CLECL1: variants seen among roughly 807,000 people sequenced by gnomAD.
CLECL1 encodes C-type lectin like 1.
At chr12:9,724,972 C>T (rs922843449) in intron 3 of CLECL1, among the ~76,000 whole-genome samples, 1 of 152,022 alleles carries the variant, frequency 6.6e-6, no homozygotes, top group Non-Finnish European at 1.5e-5. Context: ...ATACAAAAAT[C>T]CCTCATCCTC....
At chr12:9,724,080 G>A (rs186292571) in intron 3 of CLECL1, among the ~76,000 whole-genome samples, 172 of 151,648 alleles carry the variant, frequency 1.1e-3, no homozygotes, top group African/African-American at 4.0e-3. Context: ...CCAGCTACTC[G>A]GGAGGCTGAG....
downstream of CLECL1, among the ~76,000 whole-genome samples, chr12:9,719,588 C>CTAAATAAA (rs924236331): frequency 5.3e-5 from 8 of 151,990 alleles, no homozygotes; most frequent in Admixed American, 3.3e-4. Flanking sequence ...ATGCCCATCT[C>CTAAATAAA]TAAATAAATA....
At chr12:9,711,309 T>C (rs2121030571), downstream of CLECL1, among the ~76,000 whole-genome samples, 1 of 152,322 alleles carries the variant, frequency 6.6e-6, no homozygotes, top group Non-Finnish European at 1.5e-5. Flanking sequence ...TTCTGGCTTA[T>C]ACTTATTCTG....
chr12:9,713,685 A>G (rs1866214603), downstream of CLECL1, among the ~76,000 whole-genome samples: 1 of 152,208 alleles, frequency 6.6e-6, no homozygotes, highest in South Asian at 2.1e-4. Context: ...CAATAGATCG[A>G]TAGTGATTTA....
downstream of CLECL1, chr12:9,715,812 C>T (rs755581265): frequency 5.4e-4 from 82 of 152,574 alleles, no homozygotes; most frequent in Admixed American, 8.5e-4. Flanking sequence ...TCATTGGTTC[C>T]GATATTGGCT....
chr12:9,730,310 T>A (rs2121065226), intron 1 of CLECL1, among the ~76,000 whole-genome samples: 1 of 152,262 alleles, frequency 6.6e-6, no homozygotes, highest in South Asian at 2.1e-4. Flanking sequence ...ATAAAAGAAG[T>A]TGTACTTTTA....
chr12:9,717,513 T>A (rs1404885256), downstream of CLECL1, among the ~76,000 whole-genome samples: 1 of 152,236 alleles, frequency 6.6e-6, no homozygotes, highest in Non-Finnish European at 1.5e-5. Flanking sequence ...TTAGATTCAA[T>A]AAAAGAAGTA....
the CLECL1 span, among the ~76,000 whole-genome samples, chr12:9,710,538 T>A: frequency 6.6e-6 from 1 of 152,178 alleles, no homozygotes; most frequent in Non-Finnish European, 1.5e-5. Context: ...CGGACCTAAC[T>A]GAGAACAGGT....
At chr12:9,733,035 C>G, upstream of CLECL1, 1 of 1,614,130 alleles carries the variant, frequency 6.2e-7, no homozygotes, top group Non-Finnish European at 8.5e-7. Context: ...AGCCATTGCA[C>G]AGATCAAAAA....
chr12:9,733,278 G>A (rs375872847), upstream of CLECL1: 46 of 1,552,108 alleles, frequency 3.0e-5, no homozygotes, highest in East Asian at 2.0e-4. Context: ...GTAGGTTCTC[G>A]TTTTTCAGTT....
exon 2 of CLECL1, among the ~76,000 whole-genome samples, chr12:9,729,605 A>G (rs1340080444): frequency 6.6e-6 from 1 of 152,150 alleles, no homozygotes; most frequent in African/African-American, 2.4e-5. Context: ...AATATTCAGT[A>G]CAATTACTAT....
exon 3 of CLECL1, chr12:9,716,611 TTC>T (rs1866241995): frequency 7.2e-6 from 2 of 278,218 alleles, no homozygotes; most frequent in African/African-American, 2.3e-5. Context: ...ACTTGTCCCA[TTC>T]CTCTTGCTCA....
At chr12:9,716,941 A>T (rs1223987651) in intron 2 of CLECL1, among the ~76,000 whole-genome samples, 2 of 152,190 alleles carry the variant, frequency 1.3e-5, no homozygotes, top group African/African-American at 2.4e-5. Context: ...TGTGAACGGG[A>T]TGTAAACCAG....
intron 2 of CLECL1, among the ~76,000 whole-genome samples, chr12:9,727,748 C>T (rs1363029586): frequency 6.6e-6 from 1 of 151,594 alleles, no homozygotes; most frequent in East Asian, 1.9e-4. Flanking sequence ...TGTAGTTATT[C>T]CATGAAGTCC....
At chr12:9,722,781 A>G in exon 4 of CLECL1, 1 of 1,613,608 alleles carries the variant, frequency 6.2e-7, no homozygotes, top group Non-Finnish European at 8.5e-7. Flanking sequence ...TTGGCAGGAC[A>G]TGATTTATGG....
At chr12:9,717,868 G>A (rs867279738), downstream of CLECL1, among the ~76,000 whole-genome samples, 4 of 149,148 alleles carry the variant, frequency 2.7e-5, no homozygotes, top group African/African-American at 7.4e-5. Flanking sequence ...TTCTTTTTCT[G>A]TTTTTTTTTC....
At chr12:9,722,597 C>G (rs1190248598), downstream of CLECL1, 1 of 1,541,346 alleles carries the variant, frequency 6.5e-7, no homozygotes, top group South Asian at 1.3e-5. Flanking sequence ...ACAAAAAATT[C>G]ACTGCCAGTG....
At chr12:9,728,644 G>A (rs1481231843) in intron 2 of CLECL1, among the ~76,000 whole-genome samples, 1 of 151,840 alleles carries the variant, frequency 6.6e-6, no homozygotes, top group Non-Finnish European at 1.5e-5. Context: ...TTAGTAACAA[G>A]AAAATCTATT....
chr12:9,729,676 T>A (rs1000458688), exon 2 of CLECL1, among the ~76,000 whole-genome samples: 1 of 152,270 alleles, frequency 6.6e-6, no homozygotes, highest in Non-Finnish European at 1.5e-5. Flanking sequence ...GTGGTGAGAA[T>A]CTACAAAATT....
Sources: allele counts gnomAD v4.1 joint callset (sites outside exome capture counted in the v4.1 genomes callset), GRCh38; gene constraint gnomAD v4.1.1; transcripts MANE v1.5; gene names NCBI Gene and HGNC (gene_info 2026-07-23, HGNC 2026-07-21).